The following MMP26 variants were observed in gnomAD, a reference collection of about 807,000 sequenced individuals.
The protein encoded by MMP26 is matrix metallopeptidase 26.
Under a neutral mutation model 31.0 loss-of-function variants are expected in MMP26, and 33 were observed. The ratio of observed to expected loss-of-function variants is 1.06; its 90% CI spans 0.81 to 1.42. MMP26 has a LOEUF of 1.42. Among genes scored for constraint, MMP26 ranks in the 40% most tolerant of loss-of-function variants. The pLI, the probability that MMP26 is intolerant of heterozygous loss-of-function variation, is 0.00. For synonymous variants in MMP26, 122 were observed against 114.9 expected (o/e 1.06, Z -0.40); for missense variants, 347 against 316.1 (o/e 1.10, Z -0.74).
chr11:4,972,879 T>G (rs2133633035), intron 2 of MMP26: 1 of 152,322 alleles, frequency 6.6e-6, no homozygotes, highest in South Asian at 2.1e-4. Flanking sequence ...GTATGTTTTC[T>G]TATTGATCTA....
chr11:4,779,797 C>T (rs1455381817), intron 2 of MMP26, among the ~76,000 whole-genome samples: 3 of 152,054 alleles, frequency 2.0e-5, no homozygotes, highest in Admixed American at 6.6e-5. Context: ...CGGAATAGAA[C>T]CATTAACCAT....
chr11:4,989,995 A>G, intron 4 of MMP26, 127 bp downstream of exon 4: 1 of 696,108 alleles, frequency 1.4e-6, no homozygotes, highest in Non-Finnish European at 2.4e-6. Context: ...AAAGCCCAAA[A>G]TCTCCCTCAG....
chr11:4,915,587 T>A (rs1245975248), intron 2 of MMP26: 2 of 1,614,036 alleles, frequency 1.2e-6, no homozygotes, highest in Non-Finnish European at 1.7e-6. Context: ...GTGCATGCGC[T>A]CCAGCCCAGG....
chr11:4,861,217 G>T (rs1432232082), intron 2 of MMP26, among the ~76,000 whole-genome samples: 1 of 149,624 alleles, frequency 6.7e-6, no homozygotes, highest in African/African-American at 2.5e-5. Flanking sequence ...CAGTTTCCAA[G>T]TATATACATA....
intron 2 of MMP26, among the ~76,000 whole-genome samples, chr11:4,777,663 C>A (rs1848806775): frequency 6.6e-6 from 1 of 152,108 alleles, no homozygotes; most frequent in South Asian, 2.1e-4. Flanking sequence ...TCACTTCTAT[C>A]CAAATAGGTT....
At chr11:4,743,208 T>C (rs1848337122) in intron 1 of MMP26, among the ~76,000 whole-genome samples, 1 of 152,212 alleles carries the variant, frequency 6.6e-6, no homozygotes. Context: ...CCCCTGGCTC[T>C]TCATAGTCAT....
intron 2 of MMP26, among the ~76,000 whole-genome samples, chr11:4,825,277 T>A (rs186763390): frequency 2.6e-5 from 4 of 152,284 alleles, no homozygotes; most frequent in East Asian, 3.9e-4. Flanking sequence ...GGAATGAGGA[T>A]CTCATCATTT....
chr11:4,898,831 C>CTGTG lies in MMP26; in HGVS notation c.-144-89195_-144-89192dup, dbSNP rs1157500335. Among the ~76,000 whole-genome samples the CTGTG allele has an allele frequency of 8.8e-3, 833 of 94,214 alleles. 5 individuals carry two copies. Among genetic ancestry groups the CTGTG allele is most frequent in the Non-Finnish European group, 0.013 (607 of 46,614 alleles). 61.8% of individuals were successfully genotyped at this position (94,214 alleles called of 152,430 possible). On this transcript the variant is annotated intron_variant, in intron 2 of 7. Coordinates refer to ENST00000380390, the MANE Select transcript of MMP26 (RefSeq NM_021801.5). ...GAAATCTCTCTCTCTCTCTCTCTCT[C>CTGTG]TGTGTGTGTGTGTGTGTGTGTGTGT...
At chr11:4,881,394 T>C (rs962257845) in intron 2 of MMP26, among the ~76,000 whole-genome samples, 3 of 152,154 alleles carry the variant, frequency 2.0e-5, no homozygotes, top group Admixed American at 2.0e-4. Context: ...TCTGCATTCA[T>C]CTGCACGTGA....
rs1040650708 is a variant in MMP26, at chr11:4,951,967, T to C, written c.-144-36101T>C. Among the ~76,000 whole-genome samples the C allele has an allele frequency of 6.4e-5, 8 of 124,584 alleles. 1 individual carries two copies. In the South Asian group the frequency reaches 1.9e-3, roughly 30 times the overall value. The allele number at this position is 124,584 out of a possible 152,430, so 81.7% of individuals were successfully genotyped here. On this transcript the variant is annotated intron_variant, in intron 2 of 7. Transcript: ENST00000380390. ...TAAGTTAGCGGTGATAACAACTTCT[T>C]TGCAGCACTTAAGTGTCCTGTAGCT... is the stretch of plus-strand genomic sequence containing the variant.
chr11:4,750,314 T>A (rs1219131733), intron 1 of MMP26, among the ~76,000 whole-genome samples: 1 of 152,116 alleles, frequency 6.6e-6, no homozygotes, highest in Non-Finnish European at 1.5e-5. Flanking sequence ...ATTTACACAC[T>A]GTTGGTGGGA....
At chr11:4,735,659 C>T (rs1475575458) in intron 1 of MMP26, among the ~76,000 whole-genome samples, 3 of 152,038 alleles carry the variant, frequency 2.0e-5, no homozygotes, top group African/African-American at 7.3e-5. Flanking sequence ...TTGTTTGTTT[C>T]TGCCACTCTG....
chr11:4,899,583 T>C (rs1172602757), intron 2 of MMP26, among the ~76,000 whole-genome samples: 3 of 152,144 alleles, frequency 2.0e-5, no homozygotes, highest in African/African-American at 7.2e-5. Context: ...ATCATCAAAA[T>C]TTGCCAGGAT....
chr11:4,941,957 T>C (rs1341249579), intron 2 of MMP26, among the ~76,000 whole-genome samples: 1 of 150,944 alleles, frequency 6.6e-6, no homozygotes, highest in Admixed American at 6.6e-5. Flanking sequence ...TGGTGGCGCA[T>C]GCCTGTAGTC....
chr11:4,838,959 C>T (rs1395860321), intron 2 of MMP26, among the ~76,000 whole-genome samples: 1 of 152,160 alleles, frequency 6.6e-6, no homozygotes, highest in South Asian at 2.1e-4. Context: ...ATGGCAATGG[C>T]AGTGTGGTGC....
chr11:4,740,037 A>G (rs942908049), intron 1 of MMP26, among the ~76,000 whole-genome samples: 2 of 152,230 alleles, frequency 1.3e-5, no homozygotes, highest in Non-Finnish European at 1.5e-5. Flanking sequence ...TGAGTATGGA[A>G]TAGCCACTTT....
At chr11:4,898,051 T>C (rs1160271068) in intron 2 of MMP26, among the ~76,000 whole-genome samples, 2 of 151,116 alleles carry the variant, frequency 1.3e-5, no homozygotes, top group East Asian at 3.9e-4. Flanking sequence ...AGTTTCCTCC[T>C]TGTATTATTT....
chr11:4,907,886 C>A, intron 2 of MMP26: 1 of 1,614,038 alleles, frequency 6.2e-7, no homozygotes, highest in Non-Finnish European at 8.5e-7. Context: ...TCAAAAGAAT[C>A]TTCTTTCTCA....
chr11:4,751,849 C>A (rs1848450059), intron 1 of MMP26, among the ~76,000 whole-genome samples: 1 of 152,010 alleles, frequency 6.6e-6, no homozygotes, highest in Admixed American at 6.6e-5. Context: ...TAGTGAGAAT[C>A]TGAATTAGTA....
Sources: gnomAD v4.1 joint callset for allele counts (sites outside exome capture counted in the v4.1 genomes callset) on GRCh38, gnomAD v4.1.1 for gene constraint, MANE v1.5 for transcripts, NCBI Gene and HGNC (gene_info 2026-07-23, HGNC 2026-07-21) for gene names.